KIF22: variants seen among roughly 807,000 people sequenced by gnomAD.
The protein encoded by KIF22 is kinesin family member 22.
Under a neutral mutation model 73.0 loss-of-function variants are expected in KIF22, and 62 were observed. The observed-to-expected ratio is 0.85, with a 90% confidence interval of 0.69 to 1.05. The LOEUF is 1.05. Among genes scored for constraint, KIF22 ranks in the 50% least tolerant of loss-of-function variants. The pLI is 0.00. For missense variants in KIF22, 854 were observed against 870.1 expected, an observed-to-expected ratio of 0.98 and a Z score of 0.23; for synonymous variants, 411 against 340.1, an observed-to-expected ratio of 1.21 and a Z score of -2.29.
chr16:29,804,114 G>A, intron 11 of KIF22, 49 bp downstream of exon 11: 2 of 1,466,856 alleles, frequency 1.4e-6, no homozygotes, highest in Non-Finnish European at 1.9e-6. Context: ...AGAAGTAAGG[G>A]GGAGTAGGCT....
In KIF22 at chr16:29,804,846, G is replaced by A; in HGVS notation, c.1710G>A (p.Glu570=). 1 of 1,613,078 alleles carries A rather than the reference G, an allele frequency of 6.2e-7. No individual in the cohort carries two copies. Among genetic ancestry groups the A allele is most frequent in the Non-Finnish European group, 8.5e-7 (1 of 1,179,658 alleles). ...LESLDALEPE[E]KAEDCWELQI... Reference sequence around the variant, plus strand: ...CCCTGGATGCCCTAGAGCCTGAGGAGAAGGCTGAGGACTGCTGGGAGCTAC... The same window carrying A: ...CCCTGGATGCCCTAGAGCCTGAGGAAAAGGCTGAGGACTGCTGGGAGCTAC... Residue 570 remains glutamate (E), a synonymous_variant, in exon 12 of 14, where the codon GAG becomes GAA. Coordinates refer to ENST00000160827, the MANE Select transcript of KIF22 (RefSeq NM_007317.3).
chr16:29,804,677 C>T (rs1899287539), intron 11 of KIF22, 137 bp from the exon 12 acceptor site: 2 of 729,192 alleles, frequency 2.7e-6, no homozygotes, highest in Non-Finnish European at 4.9e-6. Flanking sequence ...GACCTGAGGG[C>T]GGGATTTTGG....
At position 29,803,617 on chromosome 16, in the gene KIF22, G is replaced by T. The variant is rs751719990; in HGVS notation, c.1609+9G>T. ...GATGCCCCTACAGCTAAGTAAGTTT[G>T]ACTCCAGGGGCTGGGGGGCCAAGGC... On this transcript the variant is annotated intron_variant, in intron 10 of 13. Coordinates refer to ENST00000160827, the MANE Select transcript of KIF22 (RefSeq NM_007317.3). 4.4e-6 allele frequency: 7 copies of T among 1,599,984 alleles called. No individual in the cohort carries two copies. The highest frequency in any genetic ancestry group is 6.0e-6 in the Non-Finnish European group (7 of 1,173,484).
rs1899345754 is a variant in KIF22 at position 29,805,304 on chromosome 16, C to T, written c.1992C>T (p.Ala664=). ...LGLAAGQRCG[A]S ...TCGCCGCCGGCCAGCGCTGTGGCGC[C>T]TCCTGACCGTCGTCTCCTCACTCCG... is the stretch of plus-strand genomic sequence containing the variant. Residue 664 remains alanine, a synonymous_variant, in exon 14 of 14, where the codon GCC becomes GCT. Transcript: ENST00000160827. 6.2e-7 allele frequency: 1 copy of T among 1,613,312 alleles called. No individual in the cohort carries two copies. The highest frequency in any genetic ancestry group is 1.3e-5 in the African/African-American group (1 of 74,954).
intron 8 of KIF22, among the ~76,000 whole-genome samples, chr16:29,801,206 A>G (rs1329755256): frequency 6.6e-6 from 1 of 151,986 alleles, no homozygotes; most frequent in Non-Finnish European, 1.5e-5. Context: ...ACCCCACCTC[A>G]TGGCCCAGTA....
chr16:29,804,458 T>C (rs1899272783), intron 11 of KIF22: 2 of 635,098 alleles, frequency 3.1e-6, no homozygotes, highest in Non-Finnish European at 5.8e-6. Flanking sequence ...TTTATTCATA[T>C]TACTTTCTCC....
chr16:29,794,254 T>A (rs1261400486), intron 1 of KIF22, among the ~76,000 whole-genome samples: 4 of 152,188 alleles, frequency 2.6e-5, no homozygotes, highest in African/African-American at 9.7e-5. Context: ...AGCTAACCCC[T>A]CTATACTGAG....
rs966071614 is a variant in KIF22 at position 29,797,957 on chromosome 16, A to G, written c.267-417A>G. The stretch of plus-strand genomic sequence containing the variant: ...TGTTCTACACATGTAGCCATTTGAA[A>G]AAGACTGGGAAGCCTTGCTTTTTTG... On this transcript the variant is annotated intron_variant, in intron 2 of 13. Coordinates refer to ENST00000160827, the MANE Select transcript of KIF22 (RefSeq NM_007317.3). The surrounding 1 kb of genome is among the most constrained non-coding windows in gnomAD (Gnocchi z 4.1). Among the ~76,000 whole-genome samples the G allele has an allele frequency of 2.6e-5, 4 of 152,212 alleles. No individual in the cohort carries two copies. The highest frequency in any genetic ancestry group is 9.6e-5 in the African/African-American group (4 of 41,458).
At chr16:29,794,672 C>G (rs1898905509) in intron 1 of KIF22, among the ~76,000 whole-genome samples, 1 of 152,124 alleles carries the variant, frequency 6.6e-6, no homozygotes, top group Admixed American at 6.5e-5. Context: ...ACCTCCACTT[C>G]CCGCATTCAA....
In KIF22 at chr16:29,798,226, A is replaced by G; in HGVS notation, c.267-148A>G. 3 of 1,421,614 alleles carry G rather than the reference A, an allele frequency of 2.1e-6. No homozygotes were observed. The highest frequency in any genetic ancestry group is 2.8e-6 in the Non-Finnish European group (3 of 1,078,496). 88.1% of individuals were successfully genotyped at this position (1,421,614 alleles called of 1,614,324 possible). A position where few individuals can be genotyped will look rare whatever the true frequency, so the allele number is the denominator to read the frequency against. On this transcript the variant is annotated intron_variant, in intron 2 of 13. Transcript: ENST00000160827. The surrounding 1 kb of genome is among the most constrained non-coding windows in gnomAD (Gnocchi z 4.1). ...GGTGGATGCTTTTTAAGGTCTTTGT[A>G]CAAGAAAGGGGATAGAGACGTTCTC...
chr16:29,799,444 G>C lies in KIF22; in HGVS notation c.940G>C (p.Gly314Arg). 1 of 1,614,182 alleles carries C rather than the reference G, an allele frequency of 6.2e-7. No homozygotes were observed. The highest frequency in any genetic ancestry group is 8.5e-7 in the Non-Finnish European group (1 of 1,180,030). The change falls in exon 6 of 14, where the codon GGC becomes CGC. Residue 314 changes from glycine (G) to arginine (R), a missense_variant. Gly to Arg is a moderately radical substitution (Grantham distance 125). Coordinates refer to ENST00000160827, the MANE Select transcript of KIF22 (RefSeq NM_007317.3). The part of the protein sequence containing the change: ...LGKVVDALNQ[G>R]LPRVPYRDSK... ...CAAAGTGGTAGATGCGCTGAATCAG[G>C]GCCTCCCTCGTGTACCTTATCGGGA...
intron 1 of KIF22, among the ~76,000 whole-genome samples, chr16:29,793,355 G>A (rs1407842639): frequency 1.3e-5 from 2 of 152,092 alleles, no homozygotes; most frequent in African/African-American, 2.4e-5. Flanking sequence ...CAGGAGAATC[G>A]CTTGAACCGG....
chr16:29,798,314 AC>A lies in KIF22; in HGVS notation c.267-59del. 1.8e-4 allele frequency: 2 copies of A among 10,862 alleles called. No homozygotes were observed. The highest frequency in any genetic ancestry group is 2.4e-4 in the Non-Finnish European group (2 of 8,286). The allele number at this position is 10,862 out of a possible 1,614,324, so 0.7% of individuals were successfully genotyped here. A position where few individuals can be genotyped will look rare whatever the true frequency, so the allele number is the denominator to read the frequency against. On this transcript the variant is annotated intron_variant, in intron 2 of 13. Coordinates refer to ENST00000160827, the MANE Select transcript of KIF22 (RefSeq NM_007317.3). The surrounding 1 kb of genome is among the most constrained non-coding windows in gnomAD (Gnocchi z 4.1). Reference sequence around the variant, plus strand: ...CCACCCCCACCCCACTCCACCCCTTACACACACACACACACACACACACACA... The same window carrying A: ...CCACCCCCACCCCACTCCACCCCTTAACACACACACACACACACACACACA...
Position 29,805,270 on chromosome 16 carries a change from TC to T in KIF22, c.1960del (p.Leu654TrpfsTer26). ...KQMESFLKAN[I>X]LGLAAGQRCG... ...CTCCCTCCTGTGTTGCAGGCAAACA[TC>T]CTGGGTCTCGCCGCCGGCCAGCGCT... On this transcript the variant is annotated frameshift_variant, in exon 14 of 14. Coordinates refer to ENST00000160827, the MANE Select transcript of KIF22 (RefSeq NM_007317.3). LOFTEE classifies it high-confidence loss of function. 1 of 1,614,050 alleles carries T rather than the reference TC, an allele frequency of 6.2e-7. No homozygotes were observed. The highest frequency in any genetic ancestry group is 8.5e-7 in the Non-Finnish European group (1 of 1,180,036).
In KIF22 at chr16:29,802,865, T is replaced by A. The variant is rs1311138847; in HGVS notation, c.1377T>A (p.Pro459=). Residue 459 remains proline, a synonymous_variant, in exon 9 of 14, where the codon CCT becomes CCA. Transcript: ENST00000160827. ...CCTCCCAGGGGAGCCAGGGGGCCCC[T>A]CTGTTGAGTACCCCAAAGCGAGAGC... The part of the protein sequence containing the change: ...LLASQGSQGA[P]LLSTPKRERM... The A allele has an allele frequency of 9.9e-6, 16 of 1,611,430 alleles. No individual in the cohort carries two copies. Among genetic ancestry groups the A allele is most frequent in the South Asian group, 8.8e-5 (8 of 90,464 alleles).
chr16:29,795,339 C>T (rs778308908), intron 1 of KIF22, among the ~76,000 whole-genome samples: 6 of 152,188 alleles, frequency 3.9e-5, no homozygotes, highest in Non-Finnish European at 8.8e-5. Context: ...TTGAAACAGC[C>T]CGTCTGCTTA....
At chr16:29,791,032 C>T in intron 1 of KIF22, 1 of 1,431,868 alleles carries the variant, frequency 7.0e-7, no homozygotes, top group Non-Finnish European at 9.1e-7. Flanking sequence ...TCCTGCTCTC[C>T]CCTTGGGTCA....
chr16:29,792,577 A>G (rs1354078457), intron 1 of KIF22: 2 of 168,890 alleles, frequency 1.2e-5, no homozygotes, highest in African/African-American at 4.8e-5. Context: ...CAAACACGCA[A>G]TAGTGGGGTG....
Position 29,804,095 on chromosome 16 carries a change from C to T in KIF22, c.1677+30C>T. ...AAGTAGCTGGGGGCTTAGGCTACACCTGGAGCCCAGAAGTAAGGGGGAGTA... is the reference window on the plus strand; with the variant it reads ...AAGTAGCTGGGGGCTTAGGCTACACTTGGAGCCCAGAAGTAAGGGGGAGTA... On this transcript the variant is annotated intron_variant, in intron 11 of 13. Coordinates refer to ENST00000160827, the MANE Select transcript of KIF22 (RefSeq NM_007317.3). 3 of 1,578,492 alleles carry T rather than the reference C, an allele frequency of 1.9e-6. No individual in the cohort carries two copies. In the South Asian group the frequency reaches 3.3e-5, roughly 17 times the overall value.
Sources: allele counts gnomAD v4.1 joint callset (sites outside exome capture counted in the v4.1 genomes callset), GRCh38; gene constraint gnomAD v4.1.1; non-coding constraint Gnocchi (gnomAD v3.1); transcripts MANE v1.5; gene names NCBI Gene and HGNC (gene_info 2026-07-23, HGNC 2026-07-21).